TOMM40: variants seen among roughly 807,000 people sequenced by gnomAD.
TOMM40 encodes the protein mitochondrial import receptor subunit TOM40 homolog.
Under a neutral mutation model 38.4 loss-of-function variants are expected in TOMM40, and 9 were observed. The ratio of observed to expected loss-of-function variants is 0.23; its 90% confidence interval spans 0.14 to 0.41. TOMM40 has a LOEUF of 0.41. Ranked by LOEUF, TOMM40 falls within the 10% of genes least tolerant of loss-of-function variation. TOMM40 has a pLI of 1.00. For missense variants in TOMM40, 299 were observed against 486.5 expected (o/e 0.61, Z 3.63); for synonymous variants, 184 against 210.0 (o/e 0.88, Z 1.07).
chr19:44,901,128 G>A (rs1458294762), intron 7 of TOMM40, 24 bp downstream of exon 7: 19 of 1,614,048 alleles, frequency 1.2e-5, no homozygotes, highest in Non-Finnish European at 1.6e-5. Flanking sequence ...GGGACTAGCT[G>A]GTGCTGCCAG....
In TOMM40 at chr19:44,900,583, G is replaced by A. The variant is rs73936971; in HGVS notation, c.644-147G>A. The A allele has an allele frequency of 1.5e-4, 218 of 1,482,874 alleles. 3 individuals are homozygous for A. In the African/African-American group the frequency reaches 2.9e-3, roughly 19 times the overall value. 91.9% of individuals were successfully genotyped at this position (1,482,874 alleles called of 1,614,324 possible). ...TGACCTCAGCGGTAGGGAACCCCTGGGCGATGGGTTAGGAGAAAGGAGCCC... is the reference window on the plus strand; with the variant it reads ...TGACCTCAGCGGTAGGGAACCCCTGAGCGATGGGTTAGGAGAAAGGAGCCC... On this transcript the variant is annotated intron_variant, in intron 5 of 8. Transcript: ENST00000426677.
intron 1 of TOMM40, 29 bp downstream of exon 1, chr19:44,891,718 G>A: frequency 2.8e-6 from 4 of 1,419,154 alleles, no homozygotes; most frequent in Non-Finnish European, 3.7e-6. Context: ...CCGCTGGGCT[G>A]CGATGGCCTG....
At chr19:44,892,971 A>G (rs758776994) in intron 3 of TOMM40, 42 bp downstream of exon 3, 2 of 1,536,580 alleles carry the variant, frequency 1.3e-6, no homozygotes, top group South Asian at 1.2e-5. Flanking sequence ...CCTTCTAATA[A>G]CAAATTTGTA....
intron 2 of TOMM40, 37 bp downstream of exon 2, chr19:44,892,497 T>C (rs1387659686): frequency 6.3e-7 from 1 of 1,587,800 alleles, no homozygotes; most frequent in Non-Finnish European, 8.6e-7. Flanking sequence ...CCAGAGATCG[T>C]CCCCGCCGTC....
intron 8 of TOMM40, chr19:44,902,765 G>C (rs1253148910): frequency 2.7e-6 from 1 of 371,304 alleles, no homozygotes; most frequent in Admixed American, 4.7e-5. Flanking sequence ...AGATTCATCC[G>C]CAGAGTGGGC....
At chr19:44,899,904 A>G (rs1301424120) in intron 5 of TOMM40, among the ~76,000 whole-genome samples, 1 of 147,578 alleles carries the variant, frequency 6.8e-6, no homozygotes, top group African/African-American at 2.5e-5. Context: ...CAGCCTCCCA[A>G]ATAGCTGGGA....
chr19:44,900,607 C>T (rs753696374), intron 5 of TOMM40, 123 bp from the exon 6 acceptor site: 26 of 1,572,922 alleles, frequency 1.7e-5, no homozygotes, highest in Non-Finnish European at 2.2e-5. Flanking sequence ...AGAAAGGAGC[C>T]CTTGAGGGAG....
intron 2 of TOMM40, among the ~76,000 whole-genome samples, 181 bp from the exon 3 acceptor site, chr19:44,892,656 T>C (rs1200089929): frequency 6.6e-6 from 1 of 152,194 alleles, no homozygotes; most frequent in Non-Finnish European, 1.5e-5. Context: ...CCATAGCAGC[T>C]AGGCTGGAGT....
intron 2 of TOMM40, 114 bp from the exon 3 acceptor site, chr19:44,892,723 C>G: frequency 1.1e-6 from 1 of 895,458 alleles, no homozygotes; most frequent in African/African-American, 1.6e-5. Flanking sequence ...GTCTCTTAGT[C>G]AGGCCGTGCC....
intron 5 of TOMM40, among the ~76,000 whole-genome samples, chr19:44,899,688 T>C (rs1969640425): frequency 6.6e-6 from 1 of 150,826 alleles, no homozygotes; most frequent in East Asian, 2.0e-4. Context: ...AGATGGGGTC[T>C]CACTATGTCA....
At chr19:44,900,380 G>A (rs1969656343) in intron 5 of TOMM40, among the ~76,000 whole-genome samples, 1 of 152,218 alleles carries the variant, frequency 6.6e-6, no homozygotes, top group African/African-American at 2.4e-5. Context: ...GAGGTGTGGA[G>A]GCTTGGATTC....
chr19:44,901,600 T>C (rs112019714), intron 8 of TOMM40: 20,555 of 686,472 alleles, frequency 0.03, 406 homozygotes, highest in African/African-American at 0.059. Flanking sequence ...ATTAGCCGGG[T>C]GTGGTTGCGG....
intron 5 of TOMM40, 40 bp downstream of exon 5, chr19:44,894,106 A>G: frequency 6.9e-7 from 1 of 1,440,404 alleles, no homozygotes; most frequent in African/African-American, 1.4e-5. Context: ...ACAAAACTGC[A>G]GTTCTGGCTT....
rs1049824128 is a variant in TOMM40 at position 44,891,361 on chromosome 19, C to T, written c.-55C>T. ...GGGTGCGGATTTGCTGGGGCTGAGTCGGGGGCGCGCGGGCCCTGACCTCTG... is the reference window on the plus strand; with the variant it reads ...GGGTGCGGATTTGCTGGGGCTGAGTTGGGGGCGCGCGGGCCCTGACCTCTG... On this transcript the variant is annotated 5_prime_UTR_variant, in exon 1 of 9. Coordinates refer to ENST00000426677, the MANE Select transcript of TOMM40 (RefSeq NM_001128917.2). 31 of 1,229,400 alleles carry T rather than the reference C, an allele frequency of 2.5e-5. No individual in the cohort carries two copies. Among genetic ancestry groups the T allele is most frequent in the Non-Finnish European group, 2.8e-5 (28 of 984,736 alleles). The allele number at this position is 1,229,400 out of a possible 1,614,324, so 76.2% of individuals were successfully genotyped here. A position where few individuals can be genotyped will look rare whatever the true frequency, so the allele number is the denominator to read the frequency against.
At chr19:44,897,954 G>T (rs73052317) in intron 5 of TOMM40, among the ~76,000 whole-genome samples, 4 of 152,146 alleles carry the variant, frequency 2.6e-5, no homozygotes, top group African/African-American at 7.2e-5. Flanking sequence ...CCAGTGGGGG[G>T]TTCGGGGATT....
rs376658920 is a variant in TOMM40 at position 44,900,839 on chromosome 19, T to C, written c.753T>C (p.Ala251=). The change falls in exon 6 of 9, where the codon GCT becomes GCC. Residue 251 remains alanine (A), a synonymous_variant. Coordinates refer to ENST00000426677, the MANE Select transcript of TOMM40 (RefSeq NM_001128917.2). ...AGGAGGGCACTGTCATGTCTCTAGC[T>C]GGGAAATACACATGTGAGCCTGGCG... ...PGEEGTVMSL[A]GKYTLNNWLA... The C allele has an allele frequency of 2.0e-5, 33 of 1,613,902 alleles. No homozygotes were observed. The African/African-American group carries it at 3.7e-4, about 18-fold the overall frequency.
chr19:44,894,386 C>T (rs1423637990), intron 5 of TOMM40, among the ~76,000 whole-genome samples: 2 of 151,788 alleles, frequency 1.3e-5, no homozygotes, highest in Admixed American at 6.6e-5. Flanking sequence ...CTCAGCCTCC[C>T]GAGTAGCTGG....
chr19:44,892,235 G>A (rs908787219), intron 1 of TOMM40, among the ~76,000 whole-genome samples, 158 bp from the exon 2 acceptor site: 7 of 152,180 alleles, frequency 4.6e-5, no homozygotes, highest in African/African-American at 7.2e-5. Context: ...CAAAGGCCCT[G>A]GCCCTGTCTA....
intron 8 of TOMM40, chr19:44,902,797 A>AGG: frequency 2.1e-6 from 1 of 473,034 alleles, no homozygotes; most frequent in East Asian, 4.0e-5. Flanking sequence ...GGGGGAACCC[A>AGG]GGGGTCTAGA....
Sources: gnomAD v4.1 joint callset for allele counts (sites outside exome capture counted in the v4.1 genomes callset) on GRCh38, gnomAD v4.1.1 for gene constraint, MANE v1.5 for transcripts, NCBI Gene and HGNC (gene_info 2026-07-23, HGNC 2026-07-21) for gene names.